RAB33A: variants seen among roughly 807,000 people sequenced by gnomAD.
RAB33A encodes the protein RAB33A, member RAS oncogene family.
Under a neutral mutation model 12.0 loss-of-function variants are expected in RAB33A, and 6 were observed. The ratio of observed to expected loss-of-function variants is 0.50; its 90% CI spans 0.27 to 0.99. The LOEUF (loss-of-function observed/expected upper bound fraction) is 0.99, where lower values mean the gene tolerates loss of function less well. RAB33A is among the 50% of genes least tolerant of loss of function. The pLI is 0.11. For synonymous variants in RAB33A, 70 were observed against 82.4 expected, an observed-to-expected ratio of 0.85 and a Z score of 0.81; for missense variants, 109 against 192.0, an observed-to-expected ratio of 0.57 and a Z score of 2.55.
the RAB33A span, among the ~76,000 whole-genome samples, chrX:130,141,482 C>T: frequency 1.8e-5 from 2 of 112,069 alleles, no homozygotes; most frequent in Non-Finnish European, 3.8e-5. Context: ...AGAATGCTTT[C>T]TCCAACTTGT....
the RAB33A span, among the ~76,000 whole-genome samples, chrX:130,126,465 T>C: frequency 1.9e-5 from 2 of 105,231 alleles, no homozygotes; most frequent in Non-Finnish European, 3.9e-5. Context: ...CACTCCAGCC[T>C]GGGCAACAGA....
At chrX:130,129,891 C>T in the RAB33A span, 1 of 1,139,870 alleles carries the variant, frequency 8.8e-7, no homozygotes, top group Admixed American at 2.2e-5. Flanking sequence ...CAATGCATCT[C>T]AGGGCACCCG....
the RAB33A span, among the ~76,000 whole-genome samples, chrX:130,159,199 T>C: frequency 8.9e-6 from 1 of 111,853 alleles, no homozygotes; most frequent in Non-Finnish European, 1.9e-5. Context: ...AAATGAGTTA[T>C]GAAAACTTGA....
At chrX:130,180,957 G>T (rs2031720455) in intron 1 of RAB33A, among the ~76,000 whole-genome samples, 1 of 82,746 alleles carries the variant, frequency 1.2e-5, no homozygotes, top group African/African-American at 4.8e-5. Flanking sequence ...GCAGTGAGCT[G>T]AGATTGCACC....
the RAB33A span, among the ~76,000 whole-genome samples, chrX:130,160,175 TA>T: frequency 2.7e-5 from 3 of 112,387 alleles, no homozygotes; most frequent in Non-Finnish European, 3.8e-5. Flanking sequence ...TTTAATTTTG[TA>T]AAATGTACTA....
the RAB33A span, chrX:130,137,442 T>C: frequency 5.1e-6 from 6 of 1,166,072 alleles, no homozygotes; most frequent in Non-Finnish European, 6.9e-6. Context: ...CTTCCACCCA[T>C]GCAGTCACCT....
chrX:130,171,921 C>T, upstream of RAB33A: 3 of 731,960 alleles, frequency 4.1e-6, no homozygotes, highest in South Asian at 8.8e-5. Flanking sequence ...ACGGTGCCGG[C>T]GCACGCACAC....
chrX:130,138,129 T>A, the RAB33A span: 15 of 119,700 alleles, frequency 1.3e-4, no homozygotes, highest in Non-Finnish European at 2.3e-4. Flanking sequence ...CACCAAGGGA[T>A]CCCTCACCAG....
At chrX:130,158,823 T>C in the RAB33A span, among the ~76,000 whole-genome samples, 1 of 110,963 alleles carries the variant, frequency 9.0e-6, no homozygotes, top group South Asian at 3.8e-4. Flanking sequence ...CTGATACTTA[T>C]GTCCCTGTCC....
the RAB33A span, among the ~76,000 whole-genome samples, chrX:130,121,189 C>A: frequency 5.1e-4 from 57 of 112,084 alleles, 2 homozygotes; most frequent in East Asian, 0.015. Context: ...TGAGACTCTT[C>A]CCCGGTCCCC....
At chrX:130,162,282 C>G in the RAB33A span, among the ~76,000 whole-genome samples, 3 of 111,835 alleles carry the variant, frequency 2.7e-5, no homozygotes, top group African/African-American at 9.8e-5. Context: ...TTAATCCTTA[C>G]GTCAGCAAAA....
chrX:130,117,075 G>A, the RAB33A span, among the ~76,000 whole-genome samples: 38 of 111,691 alleles, frequency 3.4e-4, no homozygotes, highest in Middle Eastern at 4.6e-3. Context: ...TTAGCCGGGC[G>A]TGGTGGCGGG....
the RAB33A span, among the ~76,000 whole-genome samples, chrX:130,138,315 A>G: frequency 9.1e-6 from 1 of 110,369 alleles, no homozygotes; most frequent in Non-Finnish European, 1.9e-5. Context: ...AATACAAAAA[A>G]TTAGCCAGGC....
chrX:130,154,603 A>G, the RAB33A span, among the ~76,000 whole-genome samples: 1 of 112,268 alleles, frequency 8.9e-6, no homozygotes, highest in Non-Finnish European at 1.9e-5. Context: ...AAATGAATTT[A>G]CTTTGAAATA....
the RAB33A span, among the ~76,000 whole-genome samples, chrX:130,111,461 C>T: frequency 1.8e-5 from 2 of 112,951 alleles, no homozygotes; most frequent in Non-Finnish European, 3.8e-5. Context: ...GCGGGCCGTG[C>T]GGCGGGTGAG....
chrX:130,181,007 CAAAAAAAAAAAA>C (rs60085312), intron 1 of RAB33A, among the ~76,000 whole-genome samples: 2 of 8,125 alleles, frequency 2.5e-4, no homozygotes, highest in Admixed American at 2.1e-3. Flanking sequence ...CAGTCCATCT[CAAAAAAAAAAAA>C]AAAAAAAAAA....
At chrX:130,119,562 G>A in the RAB33A span, among the ~76,000 whole-genome samples, 1 of 110,749 alleles carries the variant, frequency 9.0e-6, no homozygotes, top group African/African-American at 3.3e-5. Flanking sequence ...CTTTCTCCTC[G>A]ATGGTGCTCT....
chrX:130,157,386 G>A, the RAB33A span, among the ~76,000 whole-genome samples: 8 of 111,927 alleles, frequency 7.1e-5, no homozygotes, highest in Admixed American at 7.6e-4. Flanking sequence ...TCAGATAAAG[G>A]AAGGTCTCAG....
At chrX:130,137,281 C>T in the RAB33A span, 4 of 1,197,750 alleles carry the variant, frequency 3.3e-6, no homozygotes, top group Non-Finnish European at 4.5e-6. Flanking sequence ...GCCCTCACTA[C>T]AGACAGGGCA....
Sources: gnomAD v4.1 joint callset for allele counts (sites outside exome capture counted in the v4.1 genomes callset) on GRCh38, gnomAD v4.1.1 for gene constraint, MANE v1.5 for transcripts, NCBI Gene and HGNC (gene_info 2026-07-23, HGNC 2026-07-21) for gene names.